The following LRP5 variants were observed in gnomAD, a reference collection of about 807,000 sequenced individuals.
The protein encoded by LRP5 is low-density lipoprotein receptor-related protein 5.
Under a neutral mutation model 154.1 loss-of-function variants are expected in LRP5, and 62 were observed. The ratio of observed to expected loss-of-function variants is 0.40; its 90% CI spans 0.33 to 0.50. The LOEUF is 0.50. LRP5 is among the 20% of genes least tolerant of loss of function. The pLI is 0.55. For synonymous variants in LRP5, 966 were observed against 1,011.5 expected (o/e 0.96, Z 0.85); for missense variants, 1,915 against 2,336.7 (o/e 0.82, Z 3.72).
chr11:68,344,219 T>A (rs969515646), intron 1 of LRP5, among the ~76,000 whole-genome samples: 1 of 152,218 alleles, frequency 6.6e-6, no homozygotes, highest in African/African-American at 2.4e-5. Flanking sequence ...GGGGATGAGA[T>A]CTGAAGATAA....
intron 2 of LRP5, among the ~76,000 whole-genome samples, chr11:68,355,356 AAGGG>A (rs2098622341): frequency 6.6e-6 from 1 of 152,182 alleles, no homozygotes; most frequent in Non-Finnish European, 1.5e-5. Context: ...AGAAGGGAGC[AAGGG>A]AGTCAGCACC....
intron 5 of LRP5, among the ~76,000 whole-genome samples, chr11:68,383,038 T>C (rs610513): frequency 0.97 from 147,927 of 152,170 alleles, 71,970 homozygotes; most frequent in East Asian, 1. Flanking sequence ...CCACCAGGCC[T>C]GGCATATTTT....
intron 18 of LRP5, 134 bp downstream of exon 18, chr11:68,433,972 C>G (rs1388873879): frequency 2.7e-5 from 23 of 859,630 alleles, no homozygotes; most frequent in Non-Finnish European, 3.9e-5. Context: ...CCAAGTCTGT[C>G]TTTTAGGCCC....
rs1178052867 is a variant in LRP5 at position 68,423,848 on chromosome 11, T to TCTTTCACAGCCC, written c.3236+154_3236+165dup. The TCTTTCACAGCCC allele has an allele frequency of 1.8e-4, 125 of 699,142 alleles. No individual in the cohort carries two copies. Among genetic ancestry groups the TCTTTCACAGCCC allele is most frequent in the Non-Finnish European group, 2.4e-4 (100 of 419,882 alleles). 43.3% of individuals were successfully genotyped at this position (699,142 alleles called of 1,614,324 possible). A position where few individuals can be genotyped will look rare whatever the true frequency, so the allele number is the denominator to read the frequency against. On this transcript the variant is annotated intron_variant, in intron 14 of 22. Coordinates refer to ENST00000294304, the MANE Select transcript of LRP5 (RefSeq NM_002335.4). This position sits in a 1 kb window ranked among gnomAD's most constrained non-coding sequence, Gnocchi z 4.7. The stretch of plus-strand genomic sequence containing the variant: ...CAGGGTCCCAAAAGCAAACACAGGC[T>TCTTTCACAGCCC]CTTTCACAGCCCCTCCAGGAAAGCA...
chr11:68,334,419 TA>T (rs1245010921), intron 1 of LRP5, among the ~76,000 whole-genome samples: 1 of 151,978 alleles, frequency 6.6e-6, no homozygotes, highest in Non-Finnish European at 1.5e-5. Flanking sequence ...ATTGAGCAAA[TA>T]AGTAAACATA....
At chr11:68,364,494 T>C (rs1160630159) in intron 4 of LRP5, among the ~76,000 whole-genome samples, 1 of 151,574 alleles carries the variant, frequency 6.6e-6, no homozygotes, top group Non-Finnish European at 1.5e-5. Context: ...AGTGCTGGGG[T>C]CACAGGTATG....
At chr11:68,313,640 G>A (rs2153110638) in intron 1 of LRP5, among the ~76,000 whole-genome samples, 1 of 152,356 alleles carries the variant, frequency 6.6e-6, no homozygotes, top group Admixed American at 6.5e-5. Context: ...TTTGGAGATT[G>A]CCATGTGGTT....
upstream of LRP5, among the ~76,000 whole-genome samples, chr11:68,308,541 G>C (rs146400456): frequency 8.3e-4 from 127 of 152,296 alleles, no homozygotes; most frequent in African/African-American, 2.8e-3. Context: ...GGAAGTGGAA[G>C]CTCAGCACAT....
rs747120664 is a variant in LRP5, at chr11:68,389,861, G to A, written c.1413-20G>A. ...GACCAGACAGACTCATGGGGTCATG[G>A]ACTTCTGCTTCTTCTCCAGCCTCAT... On this transcript the variant is annotated intron_variant, in intron 6 of 22. Transcript: ENST00000294304. 1 of 1,614,084 alleles carries A rather than the reference G, an allele frequency of 6.2e-7. No homozygotes were observed. Among genetic ancestry groups the A allele is most frequent in the African/African-American group, 1.3e-5 (1 of 74,942 alleles).
intron 13 of LRP5, among the ~76,000 whole-genome samples, chr11:68,419,153 C>T (rs1222516236): frequency 1.3e-5 from 2 of 152,138 alleles, no homozygotes; most frequent in South Asian, 2.1e-4. Context: ...TCCAATTGGC[C>T]GAGGTTTTGT....
chr11:68,307,182 CA>C, the LRP5 span, among the ~76,000 whole-genome samples: 98 of 141,300 alleles, frequency 6.9e-4, no homozygotes, highest in African/African-American at 2.1e-3. Context: ...AACTGCAACT[CA>C]AAAAAAAAAG....
At chr11:68,429,771 C>T (rs1332234320) in intron 17 of LRP5, 71 bp downstream of exon 17, 2 of 1,600,954 alleles carry the variant, frequency 1.2e-6, no homozygotes, top group Admixed American at 1.7e-5. Flanking sequence ...AGGCTGCTGC[C>T]TGGCATCCTT....
At chr11:68,445,604 T>C in intron 21 of LRP5, 1 of 1,317,500 alleles carries the variant, frequency 7.6e-7, no homozygotes, top group Non-Finnish European at 9.9e-7. Flanking sequence ...CTTTCCAGGA[T>C]GGCCTTGGAG....
At chr11:68,404,163 T>C (rs935067241) in intron 8 of LRP5, 65 of 439,290 alleles carry the variant, frequency 1.5e-4, no homozygotes, top group Admixed American at 5.3e-4. Flanking sequence ...AGCCAGGATC[T>C]TCAGGACGCT....
intron 1 of LRP5, among the ~76,000 whole-genome samples, chr11:68,322,468 C>G (rs2098597277): frequency 6.6e-6 from 1 of 152,176 alleles, no homozygotes; most frequent in African/African-American, 2.4e-5. Flanking sequence ...TGCCCATTCT[C>G]CAGCATCTGA....
intron 5 of LRP5, among the ~76,000 whole-genome samples, chr11:68,373,795 G>C (rs1278776547): frequency 6.6e-6 from 1 of 152,236 alleles, no homozygotes; most frequent in Admixed American, 6.5e-5. Flanking sequence ...GCCATCCTCG[G>C]AAGCTGCTGT....
intron 1 of LRP5, among the ~76,000 whole-genome samples, chr11:68,318,133 CA>C (rs35437175): frequency 2.6e-5 from 4 of 151,572 alleles, no homozygotes; most frequent in African/African-American, 9.7e-5. Flanking sequence ...CAGCTCACTG[CA>C]AGCTCCACCT....
chr11:68,393,202 T>G (rs923300725), intron 7 of LRP5, among the ~76,000 whole-genome samples: 3 of 152,044 alleles, frequency 2.0e-5, no homozygotes, highest in African/African-American at 7.2e-5. Flanking sequence ...CCACAGCACA[T>G]TTTGTTTGTC....
intron 17 of LRP5, among the ~76,000 whole-genome samples, chr11:68,433,028 C>G (rs1182076596): frequency 6.6e-6 from 1 of 152,230 alleles, no homozygotes; most frequent in Non-Finnish European, 1.5e-5. Context: ...CTGCAGGCGC[C>G]TGGGACGTGC....
Sources: allele counts gnomAD v4.1 joint callset (sites outside exome capture counted in the v4.1 genomes callset), GRCh38; gene constraint gnomAD v4.1.1; non-coding constraint Gnocchi (gnomAD v3.1); transcripts MANE v1.5; gene names NCBI Gene and HGNC (gene_info 2026-07-23, HGNC 2026-07-21).